The following SRR variants were observed in gnomAD, a reference collection of about 807,000 sequenced individuals.
The protein encoded by SRR is serine racemase.
In SRR, 19 loss-of-function variants were observed where a neutral mutation model predicts 32.7. The ratio of observed to expected loss-of-function variants is 0.58; its 90% confidence interval spans 0.40 to 0.85. SRR has a LOEUF of 0.85. Ranked by LOEUF, SRR falls within the 40% of genes least tolerant of loss-of-function variation. SRR has a pLI of 0.00. For synonymous variants in SRR, 142 were observed against 140.9 expected, an observed-to-expected ratio of 1.01 and a Z score of -0.06; for missense variants, 373 against 404.7, an observed-to-expected ratio of 0.92 and a Z score of 0.67.
intron 7 of SRR, 83 bp from the exon 8 acceptor site, chr17:2,323,571 TG>T: frequency 7.1e-7 from 1 of 1,412,330 alleles, no homozygotes; most frequent in Non-Finnish European, 9.9e-7. Flanking sequence ...AAATTCAAAC[TG>T]GACACGTATT....
chr17:2,321,669 C>A, intron 6 of SRR, 53 bp downstream of exon 6: 1 of 1,525,200 alleles, frequency 6.6e-7, no homozygotes, highest in Non-Finnish European at 9.1e-7. Context: ...TACTTTACAT[C>A]CTAAATGTTC....
At position 2,324,974 on chromosome 17, in the gene SRR, A is replaced by G. The variant is rs930507077; in HGVS notation, c.*1101A>G. ...CTGAGGCTAAGATTGGTAAACTGTAAGCCCACACTTAACCTTGTCAATAGG... is the reference window on the plus strand; with the variant it reads ...CTGAGGCTAAGATTGGTAAACTGTAGGCCCACACTTAACCTTGTCAATAGG... On this transcript the variant is annotated 3_prime_UTR_variant, in exon 8 of 8. Coordinates refer to ENST00000344595, the MANE Select transcript of SRR (RefSeq NM_021947.3). 1.7e-5 allele frequency: 15 copies of G among 865,734 alleles called. No individual in the cohort carries two copies. The highest frequency in any genetic ancestry group is 1.1e-4 in the East Asian group (4 of 37,476). 53.6% of individuals were successfully genotyped at this position (865,734 alleles called of 1,614,324 possible). A position where few individuals can be genotyped will look rare whatever the true frequency, so the allele number is the denominator to read the frequency against.
chr17:2,303,514 A>G, upstream of SRR: 1 of 1,328,674 alleles, frequency 7.5e-7, no homozygotes, highest in Non-Finnish European at 9.6e-7. Flanking sequence ...CCCAGCGCCT[A>G]CTGCTGGGGG....
At chr17:2,314,161 CAGA>C (rs2075453421) in intron 1 of SRR, among the ~76,000 whole-genome samples, 2 of 152,168 alleles carry the variant, frequency 1.3e-5, no homozygotes, top group African/African-American at 4.8e-5. Context: ...ATTGAGAATG[CAGA>C]AGGAGCCGGG....
intron 1 of SRR, among the ~76,000 whole-genome samples, chr17:2,315,170 G>T (rs2151432569): frequency 6.6e-6 from 1 of 151,930 alleles, no homozygotes; most frequent in African/African-American, 2.4e-5. Context: ...TGACCCGGGA[G>T]GCGGAGGTTG....
chr17:2,322,745 C>T (rs912494663), intron 6 of SRR: 21 of 211,752 alleles, frequency 9.9e-5, no homozygotes, highest in East Asian at 3.6e-4. Context: ...CTTGATCTCC[C>T]TACCTCGTGA....
chr17:2,308,539 C>G (rs1198373477), intron 1 of SRR, among the ~76,000 whole-genome samples: 1 of 152,198 alleles, frequency 6.6e-6, no homozygotes, highest in Non-Finnish European at 1.5e-5. Flanking sequence ...CCATTTAAGT[C>G]AAAACCCAGG....
rs2075555431 is a variant in SRR at position 2,323,782 on chromosome 17, T to C, written c.932T>C (p.Val311Ala). Residue 311 changes from valine to alanine, a missense_variant, in exon 8 of 8, where the codon GTG becomes GCG. By Grantham distance (64) the Val-to-Ala change is moderately conservative. Coordinates refer to ENST00000344595, the MANE Select transcript of SRR (RefSeq NM_021947.3). The stretch of plus-strand genomic sequence containing the variant: ...CCAGAAGTAAAGAACATTTGTATTG[T>C]GCTCAGTGGTGGAAATGTAGACTTA... ...VSPEVKNICIVLSGGNVDLTS... is the reference protein window; with the variant it reads ...VSPEVKNICIALSGGNVDLTS... The C allele has an allele frequency of 1.2e-6, 2 of 1,614,188 alleles. No homozygotes were observed. The highest frequency in any genetic ancestry group is 1.3e-5 in the African/African-American group (1 of 75,048).
chr17:2,305,734 T>C (rs2075384867), intron 1 of SRR, among the ~76,000 whole-genome samples: 1 of 152,132 alleles, frequency 6.6e-6, no homozygotes, highest in East Asian at 1.9e-4. Context: ...AGTTTCACTC[T>C]TGTTGCCCAG....
chr17:2,323,714 TG>T lies in SRR; in HGVS notation c.866del (p.Gly289GlufsTer17), dbSNP rs750767272. On this transcript the variant is annotated frameshift_variant, in exon 8 of 8. Transcript: ENST00000344595. LOFTEE classifies it high-confidence loss of function. ...KLLIEPTAGV[G>X]VAAVLSQHFQ... ...TACTCATTGAACCTACAGCTGGTGT[TG>T]GAGTGGCTGCTGTGCTGTCTCAACA... The T allele has an allele frequency of 3.1e-6, 5 of 1,614,074 alleles. No homozygotes were observed. Among genetic ancestry groups the T allele is most frequent in the Non-Finnish European group, 4.2e-6 (5 of 1,179,910 alleles).
chr17:2,323,372 G>A (rs1383054158), intron 7 of SRR, 27 bp downstream of exon 7: 1 of 1,612,708 alleles, frequency 6.2e-7, no homozygotes, highest in South Asian at 1.1e-5. Context: ...AAAAGAAATA[G>A]CAAAGCATGG....
intron 1 of SRR, chr17:2,306,817 G>A: frequency 1.3e-6 from 1 of 761,414 alleles, no homozygotes; most frequent in Non-Finnish European, 2.3e-6. Flanking sequence ...CTTCATTGGA[G>A]GGCTGAGCTT....
chr17:2,314,205 T>G (rs911760655), intron 1 of SRR, among the ~76,000 whole-genome samples: 5 of 152,162 alleles, frequency 3.3e-5, no homozygotes, highest in African/African-American at 1.2e-4. Context: ...ATCCCAGCAC[T>G]TTGGGAGTCT....
At chr17:2,315,489 C>G (rs929318568) in intron 1 of SRR, 68 bp from the exon 2 acceptor site, 1 of 1,473,400 alleles carries the variant, frequency 6.8e-7, no homozygotes, top group Non-Finnish European at 9.1e-7. Flanking sequence ...TACGTATTTT[C>G]AAAATCTCTT....
chr17:2,315,421 T>C, intron 1 of SRR, 136 bp from the exon 2 acceptor site: 6 of 846,772 alleles, frequency 7.1e-6, no homozygotes, highest in Non-Finnish European at 8.6e-6. Flanking sequence ...AGGGAAATTC[T>C]GACACTCCAA....
Position 2,324,609 on chromosome 17 carries a change from G to GA in SRR, c.*739dup. On this transcript the variant is annotated 3_prime_UTR_variant, in exon 8 of 8. Transcript: ENST00000344595. The stretch of plus-strand genomic sequence containing the variant: ...AATCAAACACATTAAAGACCAAGAT[G>GA]AAACATTTACCCACAAAATGTAAAC... 3 of 1,613,982 alleles carry GA rather than the reference G, an allele frequency of 1.9e-6. No individual in the cohort carries two copies. The highest frequency in any genetic ancestry group is 2.5e-6 in the Non-Finnish European group (3 of 1,180,002).
chr17:2,322,218 C>T lies in SRR; in HGVS notation c.594+602C>T, dbSNP rs1021133507. Reference sequence around the variant, plus strand: ...TGCTAGGATTACAGGTGTGAGCCACCGCACCCAGCCAACTCTCTTCTTAAT... The same window carrying T: ...TGCTAGGATTACAGGTGTGAGCCACTGCACCCAGCCAACTCTCTTCTTAAT... On this transcript the variant is annotated intron_variant, in intron 6 of 7. Transcript: ENST00000344595. Among the ~76,000 whole-genome samples, 6 of 151,850 alleles carry T rather than the reference C, an allele frequency of 4.0e-5. No homozygotes were observed. The East Asian group carries it at 5.8e-4, about 15-fold the overall frequency.
intron 1 of SRR, among the ~76,000 whole-genome samples, chr17:2,306,109 G>C (rs906607549): frequency 6.6e-6 from 1 of 151,544 alleles, no homozygotes; most frequent in Non-Finnish European, 1.5e-5. Flanking sequence ...CCTGAGCTCA[G>C]GAGTTCCCAA....
upstream of SRR, chr17:2,303,736 T>G (rs1183473188): frequency 2.7e-6 from 4 of 1,488,348 alleles, no homozygotes; most frequent in Middle Eastern, 1.8e-4. Flanking sequence ...CGGCTGCTGC[T>G]ACAGCCGTAG....
Sources: allele counts gnomAD v4.1 joint callset (sites outside exome capture counted in the v4.1 genomes callset), GRCh38; gene constraint gnomAD v4.1.1; transcripts MANE v1.5; gene names NCBI Gene and HGNC (gene_info 2026-07-23, HGNC 2026-07-21).